CSMD1: variants seen among roughly 807,000 people sequenced by gnomAD.
The protein encoded by CSMD1 is CUB and Sushi multiple domains 1, also known as CUB and sushi domain-containing protein 1.
In CSMD1, 213 loss-of-function variants were observed where a neutral mutation model predicts 417.5. The observed-to-expected ratio is 0.51, with a 90% CI of 0.46 to 0.57. The LOEUF (loss-of-function observed/expected upper bound fraction) is 0.57. Ranked by LOEUF, CSMD1 falls within the 20% of genes least tolerant of loss-of-function variation. The pLI is 0.00. For synonymous variants in CSMD1, 2,862 were observed against 1,736.8 expected (o/e 1.65, Z -16.11); for missense variants, 6,923 against 4,529.7 (o/e 1.53, Z -15.17).
chr8:3,475,295 A>G (rs59807060), intron 11 of CSMD1, among the ~76,000 whole-genome samples: 2,818 of 152,258 alleles, frequency 0.019, 102 homozygotes, highest in African/African-American at 0.065. Context: ...TCTGGGTGCA[A>G]TTTTATGTCT....
chr8:4,082,147 C>A (rs1800171525), intron 3 of CSMD1, among the ~76,000 whole-genome samples: 2 of 152,058 alleles, frequency 1.3e-5, no homozygotes, highest in Admixed American at 1.3e-4. Flanking sequence ...GATGCAAAAT[C>A]TCTATAGATC....
chr8:3,985,331 G>C (rs537248998), intron 5 of CSMD1, among the ~76,000 whole-genome samples: 2 of 152,106 alleles, frequency 1.3e-5, no homozygotes. Context: ...ATATGTTTTC[G>C]TTTATTAGGG....
chr8:3,800,042 T>C (rs538168795), intron 5 of CSMD1, among the ~76,000 whole-genome samples: 1 of 152,304 alleles, frequency 6.6e-6, no homozygotes, highest in African/African-American at 2.4e-5. Context: ...CTCAATTCTT[T>C]TGTCACTGAA....
intron 6 of CSMD1, among the ~76,000 whole-genome samples, chr8:3,711,735 T>C (rs1425055410): frequency 6.6e-6 from 1 of 152,160 alleles, no homozygotes; most frequent in African/African-American, 2.4e-5. Flanking sequence ...TCATCCAAAA[T>C]GGCAAACGTA....
rs576047193 is a variant in CSMD1, at chr8:3,421,286, C to T, written c.1562-11681G>A. Among the ~76,000 whole-genome samples, 3 of 152,246 alleles carry T rather than the reference C, an allele frequency of 2.0e-5. No homozygotes were observed. In the South Asian group the frequency reaches 6.2e-4, roughly 32 times the overall value. On this transcript the variant is annotated intron_variant, in intron 12 of 69. Transcript: ENST00000635120. ...TCCAGGGATTGGCCCTGAGTAGGTC[C>T]TCCACAAGGAAACAGTTGGATATAG...
chr8:4,762,721 T>C (rs1468355763), intron 1 of CSMD1, among the ~76,000 whole-genome samples: 1 of 152,144 alleles, frequency 6.6e-6, no homozygotes, highest in Non-Finnish European at 1.5e-5. Flanking sequence ...GAGCGAGCTA[T>C]TGTGCTTCCT....
At chr8:3,192,826 T>C (rs558639045) in intron 33 of CSMD1, among the ~76,000 whole-genome samples, 1 of 152,196 alleles carries the variant, frequency 6.6e-6, no homozygotes, top group Non-Finnish European at 1.5e-5. Flanking sequence ...ATTTTGAATT[T>C]TGGATATTCA....
At chr8:4,252,452 G>C (rs149589248) in intron 3 of CSMD1, among the ~76,000 whole-genome samples, 21 of 152,328 alleles carry the variant, frequency 1.4e-4, no homozygotes, top group African/African-American at 5.1e-4. Flanking sequence ...ACCTGAATGA[G>C]AACTTGAGTT....
At chr8:3,486,478 G>C (rs77657931) in intron 11 of CSMD1, among the ~76,000 whole-genome samples, 2 of 152,152 alleles carry the variant, frequency 1.3e-5, no homozygotes. Flanking sequence ...ATGAATTCTG[G>C]AAGAGATTCC....
rs748755769 is a variant in CSMD1, at chr8:3,383,774, G to C, written c.2782+3720C>G. Among the ~76,000 whole-genome samples the C allele has an allele frequency of 2.0e-5, 3 of 152,196 alleles. No individual in the cohort carries two copies. In the South Asian group the frequency reaches 6.2e-4, roughly 31 times the overall value. ...GCAAAGAAAGAGATGCTTTATAAGA[G>C]ATGATACATCAATGTCCAATAAATA... On this transcript the variant is annotated intron_variant, in intron 18 of 69. Transcript: ENST00000635120.
At chr8:3,624,370 T>C (rs77726340) in intron 7 of CSMD1, among the ~76,000 whole-genome samples, 4,098 of 152,296 alleles carry the variant, frequency 0.027, 81 homozygotes, top group Middle Eastern at 0.078. Context: ...TAAATCTCTA[T>C]GTAAGGTGTC....
chr8:3,550,736 G>A (rs533623156), intron 10 of CSMD1, among the ~76,000 whole-genome samples: 6 of 152,260 alleles, frequency 3.9e-5, no homozygotes, highest in Admixed American at 3.9e-4. Context: ...TCCTTGAAAA[G>A]AAGCTTCATG....
At chr8:4,453,992 T>G (rs1363366224) in intron 2 of CSMD1, among the ~76,000 whole-genome samples, 3 of 151,632 alleles carry the variant, frequency 2.0e-5, no homozygotes, top group Admixed American at 2.0e-4. Context: ...CGGCTAATTT[T>G]TTGTATTTTT....
At chr8:3,747,476 A>C (rs925464055) in intron 6 of CSMD1, among the ~76,000 whole-genome samples, 2 of 148,388 alleles carry the variant, frequency 1.3e-5, no homozygotes, top group Non-Finnish European at 3.0e-5. Flanking sequence ...CCTGTTTTTC[A>C]TATAAACAAA....
chr8:4,682,922 TTCTC>T (rs1806137682), intron 1 of CSMD1, among the ~76,000 whole-genome samples: 1 of 144,818 alleles, frequency 6.9e-6, no homozygotes, highest in African/African-American at 2.5e-5. Flanking sequence ...AGAGAAATGT[TTCTC>T]TCATTTCTTT....
At chr8:4,791,073 AGAGAGACG>A in intron 1 of CSMD1, among the ~76,000 whole-genome samples, 2 of 152,256 alleles carry the variant, frequency 1.3e-5, no homozygotes, top group East Asian at 3.9e-4. Context: ...AGAGACGGTG[AGAGAGACG>A]GTGAGAGAGA....
chr8:3,586,161 C>G lies in CSMD1; in HGVS notation c.1197G>C (p.Trp399Cys). Reference sequence around the variant, plus strand: ...CTCGGCAGATGGGCCTGTGGTCACTCCAAGCAGCGAGCGTCTCTGTAACTC... The same window carrying G: ...CTCGGCAGATGGGCCTGTGGTCACTGCAAGCAGCGAGCGTCTCTGTAACTC... ...CQRVTETLAA[W>C]SDHRPICRAR... The change falls in exon 9 of 70, where the codon TGG becomes TGC. Residue 399 changes from tryptophan to cysteine, a missense_variant. Transcript: ENST00000635120. 1.9e-6 allele frequency: 3 copies of G among 1,612,864 alleles called. No homozygotes were observed. Among genetic ancestry groups the G allele is most frequent in the Non-Finnish European group, 2.5e-6 (3 of 1,179,434 alleles).
intron 5 of CSMD1, among the ~76,000 whole-genome samples, chr8:3,876,727 G>A (rs1165865720): frequency 1.3e-5 from 2 of 152,092 alleles, no homozygotes; most frequent in Non-Finnish European, 2.9e-5. Context: ...CTCCAGCCTT[G>A]GCCTCCTGAG....
chr8:4,185,785 G>A (rs1291655429), intron 3 of CSMD1, among the ~76,000 whole-genome samples: 2 of 152,228 alleles, frequency 1.3e-5, no homozygotes, highest in East Asian at 3.8e-4. Flanking sequence ...GTGGAAATGT[G>A]TAAGATGAGT....
Sources: allele counts gnomAD v4.1 joint callset (sites outside exome capture counted in the v4.1 genomes callset), GRCh38; gene constraint gnomAD v4.1.1; transcripts MANE v1.5; gene names NCBI Gene and HGNC (gene_info 2026-07-23, HGNC 2026-07-21).